The following PHACTR1 variants were observed in gnomAD, a reference collection of about 807,000 sequenced individuals.
PHACTR1 encodes phosphatase and actin regulator 1.
PHACTR1 carries 16 observed loss-of-function variants against 69.2 expected under a neutral mutation model. The observed-to-expected ratio is 0.23, with a 90% confidence interval of 0.16 to 0.35. The LOEUF (loss-of-function observed/expected upper bound fraction) is 0.35, where lower values mean the gene tolerates loss of function less well. PHACTR1 is among the 10% of genes least tolerant of loss of function. The probability of loss-of-function intolerance (pLI) is 1.00; values close to 1 mark genes in which losing one functional copy is unlikely to be tolerated. For synonymous variants in PHACTR1, 312 were observed against 284.5 expected, an observed-to-expected ratio of 1.10 and a Z score of -0.97; for missense variants, 510 against 734.7, an observed-to-expected ratio of 0.69 and a Z score of 3.54.
chr6:12,749,412 C>G (rs756687350), intron 3 of PHACTR1: 35 of 602,024 alleles, frequency 5.8e-5, no homozygotes, highest in South Asian at 5.0e-4. Flanking sequence ...CTCCAGTCCA[C>G]AGATCCTTAA....
intron 4 of PHACTR1, among the ~76,000 whole-genome samples, chr6:12,978,043 TCCCGTATCTTC>T (rs1795098682): frequency 6.6e-6 from 1 of 152,210 alleles, no homozygotes; most frequent in Admixed American, 6.5e-5. Context: ...TAATTTCAGC[TCCCGTATCTTC>T]AAGGCAAATC....
rs959102150 is a variant in PHACTR1, at chr6:12,742,065, A to G, written c.104-7579A>G. Among the ~76,000 whole-genome samples, 4 of 152,270 alleles carry G rather than the reference A, an allele frequency of 2.6e-5. No homozygotes were observed. In the East Asian group the frequency reaches 7.7e-4, roughly 29 times the overall value. On this transcript the variant is annotated intron_variant, in intron 3 of 14. Coordinates refer to ENST00000332995, the MANE Select transcript of PHACTR1 (RefSeq NM_030948.6). Reference sequence around the variant, plus strand: ...TTTCATTTTCTAATTTTGCTACTATATAGAAAAAATGATTTGGGGGGGATT... The same window carrying G: ...TTTCATTTTCTAATTTTGCTACTATGTAGAAAAAATGATTTGGGGGGGATT...
chr6:12,963,296 C>T (rs1352355343), intron 4 of PHACTR1, among the ~76,000 whole-genome samples: 1 of 152,208 alleles, frequency 6.6e-6, no homozygotes, highest in East Asian at 1.9e-4. Context: ...TCACTGCTTC[C>T]TCTTCCCCTC....
chr6:12,959,451 G>A (rs186922497), intron 4 of PHACTR1, among the ~76,000 whole-genome samples: 81 of 152,112 alleles, frequency 5.3e-4, no homozygotes, highest in Non-Finnish European at 9.4e-4. Flanking sequence ...AGCTAAAAAA[G>A]CATAACAAAG....
At chr6:13,170,110 G>A (rs1422447664) in intron 6 of PHACTR1, among the ~76,000 whole-genome samples, 1 of 152,236 alleles carries the variant, frequency 6.6e-6, no homozygotes, top group Admixed American at 6.5e-5. Flanking sequence ...CATCACATGC[G>A]TATACCACAG....
At chr6:13,256,848 A>G (rs1775256637) in intron 10 of PHACTR1, among the ~76,000 whole-genome samples, 1 of 152,086 alleles carries the variant, frequency 6.6e-6, no homozygotes, top group African/African-American at 2.4e-5. Context: ...GAAGTTCCAA[A>G]TGTTCCGTCA....
At chr6:12,981,073 A>G (rs1441420300) in intron 4 of PHACTR1, among the ~76,000 whole-genome samples, 1 of 152,258 alleles carries the variant, frequency 6.6e-6, no homozygotes, top group African/African-American at 2.4e-5. Flanking sequence ...GTCCTCAGAT[A>G]TGCAGCCTGC....
Position 12,820,361 on chromosome 6 carries a change from T to C in PHACTR1, c.250+70571T>C, listed in dbSNP as rs983497020. On this transcript the variant is annotated intron_variant, in intron 4 of 14. Transcript: ENST00000332995. ...ACGTCTGACTAATTTTTTGTATTTT[T>C]AGTAGAGACAGGGTTTCACCATGTT... Among the ~76,000 whole-genome samples the C allele has an allele frequency of 2.0e-5, 3 of 152,142 alleles. No individual in the cohort carries two copies. The East Asian group carries it at 5.8e-4, about 29-fold the overall frequency.
chr6:12,902,652 T>A (rs970079780), intron 4 of PHACTR1, among the ~76,000 whole-genome samples: 4 of 152,202 alleles, frequency 2.6e-5, no homozygotes, highest in African/African-American at 9.7e-5. Flanking sequence ...TAACCTGGAT[T>A]TTCTTTTCCC....
intron 8 of PHACTR1, among the ~76,000 whole-genome samples, chr6:13,226,865 G>A (rs1463979012): frequency 1.3e-5 from 2 of 151,496 alleles, no homozygotes; most frequent in African/African-American, 4.9e-5. Context: ...ACCCTCCCAA[G>A]TAGCTGAGAC....
At chr6:12,889,456 A>T (rs1783953070) in intron 4 of PHACTR1, among the ~76,000 whole-genome samples, 1 of 152,206 alleles carries the variant, frequency 6.6e-6, no homozygotes, top group South Asian at 2.1e-4. Flanking sequence ...TAAAGAAAAC[A>T]TGTTATTTGG....
intron 4 of PHACTR1, among the ~76,000 whole-genome samples, chr6:12,854,127 C>CATAA (rs1780098873): frequency 1.3e-5 from 2 of 152,132 alleles, no homozygotes; most frequent in Admixed American, 6.5e-5. Flanking sequence ...CCATGAAAAA[C>CATAA]CTTCAATGTC....
chr6:12,790,306 G>A (rs1384331706), intron 4 of PHACTR1, among the ~76,000 whole-genome samples: 1 of 151,998 alleles, frequency 6.6e-6, no homozygotes, highest in Non-Finnish European at 1.5e-5. Context: ...TACCCTGATG[G>A]GCCACAATGA....
intron 5 of PHACTR1, among the ~76,000 whole-genome samples, chr6:13,088,781 C>G (rs1175651534): frequency 6.6e-6 from 1 of 152,096 alleles, no homozygotes; most frequent in Non-Finnish European, 1.5e-5. Context: ...CTAAGGTCAG[C>G]TTTGACATTT....
chr6:12,908,887 A>T (rs575740293), intron 4 of PHACTR1, among the ~76,000 whole-genome samples: 103 of 152,360 alleles, frequency 6.8e-4, no homozygotes, highest in African/African-American at 2.4e-3. Context: ...CCTGCTAGCC[A>T]TAAAGAACCA....
intron 5 of PHACTR1, among the ~76,000 whole-genome samples, chr6:13,055,308 C>G (rs867640316): frequency 6.6e-6 from 1 of 152,110 alleles, no homozygotes; most frequent in Non-Finnish European, 1.5e-5. Flanking sequence ...TAAGGTGTCG[C>G]AAAACCTGTA....
intron 6 of PHACTR1, among the ~76,000 whole-genome samples, chr6:13,175,865 G>T (rs1887846): frequency 0.041 from 6,228 of 152,178 alleles, 280 homozygotes; most frequent in African/African-American, 0.11. Flanking sequence ...GGAGGAAGTC[G>T]TTGATGGGTC....
At chr6:12,835,359 G>C (rs529351992) in intron 4 of PHACTR1, among the ~76,000 whole-genome samples, 1 of 152,068 alleles carries the variant, frequency 6.6e-6, no homozygotes, top group Non-Finnish European at 1.5e-5. Context: ...GGGTTGGACC[G>C]CTCCCTGGCC....
At chr6:13,260,498 A>G (rs1015109526) in intron 10 of PHACTR1, among the ~76,000 whole-genome samples, 3 of 152,146 alleles carry the variant, frequency 2.0e-5, no homozygotes, top group African/African-American at 7.2e-5. Flanking sequence ...CCGCCTCCCA[A>G]CTTCTCCTCT....
Sources: allele counts gnomAD v4.1 joint callset (sites outside exome capture counted in the v4.1 genomes callset), GRCh38; gene constraint gnomAD v4.1.1; transcripts MANE v1.5; gene names NCBI Gene and HGNC (gene_info 2026-07-23, HGNC 2026-07-21).